DMRT1: variants seen among roughly 807,000 people sequenced by gnomAD.
The protein encoded by DMRT1 is doublesex and mab-3 related transcription factor 1.
Under a neutral mutation model 32.3 loss-of-function variants are expected in DMRT1, and 7 were observed. The ratio of observed to expected loss-of-function variants is 0.22; its 90% CI spans 0.12 to 0.41. The LOEUF (loss-of-function observed/expected upper bound fraction) is 0.41. DMRT1 is among the 10% of genes least tolerant of loss of function. The pLI is 1.00. For synonymous variants in DMRT1, 278 were observed against 206.1 expected, an observed-to-expected ratio of 1.35 and a Z score of -2.99; for missense variants, 625 against 500.5, an observed-to-expected ratio of 1.25 and a Z score of -2.37.
intron 3 of DMRT1, among the ~76,000 whole-genome samples, chr9:916,141 G>A (rs16925887): frequency 0.084 from 12,765 of 152,176 alleles, 940 homozygotes; most frequent in Admixed American, 0.17. Context: ...ACTTGCGCCC[G>A]TTCAAACAAA....
intron 2 of DMRT1, among the ~76,000 whole-genome samples, chr9:888,839 C>G (rs1817032617): frequency 6.6e-6 from 1 of 151,908 alleles, no homozygotes; most frequent in African/African-American, 2.4e-5. Flanking sequence ...ACATCAGAAT[C>G]TCCTGGGCTG....
At chr9:967,930 T>C in intron 4 of DMRT1, 55 bp from the exon 5 acceptor site, 1 of 1,560,226 alleles carries the variant, frequency 6.4e-7, no homozygotes. Flanking sequence ...ACCAGCCACT[T>C]TTAACATTAC....
At chr9:855,712 T>C (rs1288066599) in intron 2 of DMRT1, among the ~76,000 whole-genome samples, 2 of 152,344 alleles carry the variant, frequency 1.3e-5, no homozygotes, top group Non-Finnish European at 1.5e-5. Context: ...CTTGACCTCC[T>C]GGGCTCAGCA....
intron 1 of DMRT1, among the ~76,000 whole-genome samples, chr9:845,663 TCTTC>T (rs1838873387): frequency 6.6e-6 from 1 of 152,098 alleles, no homozygotes; most frequent in South Asian, 2.1e-4. Flanking sequence ...TTCAGCCTCT[TCTTC>T]CTTCAGGGAC....
chr9:950,778 C>A (rs1366519033), intron 4 of DMRT1, among the ~76,000 whole-genome samples: 1 of 152,162 alleles, frequency 6.6e-6, no homozygotes, highest in Non-Finnish European at 1.5e-5. Flanking sequence ...CTCACTCCTG[C>A]AGTTCAAGTG....
chr9:892,418 A>G (rs73374758), intron 2 of DMRT1, among the ~76,000 whole-genome samples: 5,743 of 150,134 alleles, frequency 0.038, 153 homozygotes, highest in African/African-American at 0.078. Context: ...CTCCACCTGC[A>G]CACCTGCCCA....
intron 3 of DMRT1, 84 bp downstream of exon 3, chr9:894,279 A>C: frequency 6.9e-7 from 1 of 1,451,672 alleles, no homozygotes; most frequent in East Asian, 2.3e-5. Flanking sequence ...ACACAGAGGC[A>C]CACACGCACT....
chr9:873,650 C>A (rs952705282), intron 2 of DMRT1, among the ~76,000 whole-genome samples: 1 of 152,088 alleles, frequency 6.6e-6, no homozygotes, highest in Non-Finnish European at 1.5e-5. Context: ...TAGGTTATCG[C>A]TAGGTCTTGT....
chr9:899,017 G>A (rs1817474022), intron 3 of DMRT1, among the ~76,000 whole-genome samples: 1 of 151,844 alleles, frequency 6.6e-6, no homozygotes, highest in African/African-American at 2.4e-5. Context: ...TTTAACTATT[G>A]TAAATGGGAT....
intron 2 of DMRT1, among the ~76,000 whole-genome samples, chr9:862,274 C>T (rs1237262467): frequency 3.3e-5 from 5 of 152,156 alleles, no homozygotes; most frequent in Non-Finnish European, 7.4e-5. Flanking sequence ...CCGAGGCTGG[C>T]AGACCACTCG....
At position 894,072 on chromosome 9, in the gene DMRT1, G is replaced by A; in HGVS notation, c.699G>A (p.Met233Ile). The change falls in exon 3 of 5, where the codon ATG becomes ATA. Residue 233 changes from methionine (M) to isoleucine (I), a missense_variant. Met to Ile is a conservative substitution (Grantham distance 10). Around this residue, in one of 3 missense-constraint regions of DMRT1, gnomAD observed 416 missense variants for 321.6 expected, o/e 1.29. Coordinates refer to ENST00000382276, the MANE Select transcript of DMRT1 (RefSeq NM_021951.3). ...NNLYNCPQYS[M>I]ALAADSASGE... The stretch of plus-strand genomic sequence containing the variant: ...TATACAACTGCCCGCAGTACTCCAT[G>A]GCCTTGGCTGCTGATTCTGCTTCTG... The A allele has an allele frequency of 6.2e-7, 1 of 1,614,240 alleles. No homozygotes were observed. The highest frequency in any genetic ancestry group is 1.3e-5 in the African/African-American group (1 of 75,058).
chr9:942,896 T>A (rs978136392), intron 4 of DMRT1, among the ~76,000 whole-genome samples: 2 of 152,182 alleles, frequency 1.3e-5, no homozygotes, highest in Non-Finnish European at 2.9e-5. Context: ...AAGCCATCTG[T>A]CGCAAAGAAT....
In DMRT1 at chr9:894,240, C is replaced by G. The variant is rs371938081; in HGVS notation, c.822+45C>G. ...GAGAGTGAACTGGTTGTGTGAAAGC[C>G]ACATGCATGTGCACACACATGCACA... On this transcript the variant is annotated intron_variant, in intron 3 of 4. Coordinates refer to ENST00000382276, the MANE Select transcript of DMRT1 (RefSeq NM_021951.3). 13 of 1,598,794 alleles carry G rather than the reference C, an allele frequency of 8.1e-6. No individual in the cohort carries two copies. In the African/African-American group the frequency reaches 1.7e-4, roughly 21 times the overall value.
chr9:856,496 C>T (rs908438595), intron 2 of DMRT1, among the ~76,000 whole-genome samples: 1 of 152,140 alleles, frequency 6.6e-6, no homozygotes, highest in Non-Finnish European at 1.5e-5. Flanking sequence ...AGATGTGTAA[C>T]CTTTTGTGTC....
chr9:844,365 C>G (rs970785169), intron 1 of DMRT1, among the ~76,000 whole-genome samples: 6 of 146,182 alleles, frequency 4.1e-5, no homozygotes, highest in African/African-American at 1.7e-4. Flanking sequence ...TTGTTATCCC[C>G]TTTCCTTTTT....
intron 2 of DMRT1, among the ~76,000 whole-genome samples, chr9:891,299 A>C (rs1189864960): frequency 1.3e-5 from 2 of 151,824 alleles, no homozygotes; most frequent in East Asian, 3.9e-4. Context: ...AAAAATACAA[A>C]AATCAGCCAG....
intron 2 of DMRT1, among the ~76,000 whole-genome samples, chr9:859,895 C>T (rs891974906): frequency 6.6e-6 from 1 of 152,200 alleles, no homozygotes; most frequent in African/African-American, 2.4e-5. Flanking sequence ...TTCAGCCATC[C>T]ATTGCCATTC....
chr9:956,029 A>G (rs80100500), intron 4 of DMRT1, among the ~76,000 whole-genome samples: 3,615 of 152,324 alleles, frequency 0.024, 169 homozygotes, highest in African/African-American at 0.084. Flanking sequence ...GCAAATGACC[A>G]TTAGTGCATG....
intron 2 of DMRT1, among the ~76,000 whole-genome samples, chr9:887,553 C>T (rs1296574727): frequency 6.6e-6 from 1 of 152,198 alleles, no homozygotes; most frequent in African/African-American, 2.4e-5. Flanking sequence ...CTTGTGAACT[C>T]TGCAGTCCAG....
Sources: allele counts gnomAD v4.1 joint callset (sites outside exome capture counted in the v4.1 genomes callset), GRCh38; gene constraint gnomAD v4.1.1; regional missense constraint gnomAD v4.1.1; transcripts MANE v1.5; gene names NCBI Gene and HGNC (gene_info 2026-07-23, HGNC 2026-07-21).